The following LRMDA variants were observed in gnomAD, a reference collection of about 807,000 sequenced individuals.
LRMDA encodes leucine-rich melanocyte differentiation-associated protein.
LRMDA carries 18 observed loss-of-function variants against 29.8 expected under a neutral mutation model. That is an observed-to-expected ratio of 0.60 (90% CI 0.42 to 0.90). LRMDA has a LOEUF of 0.90. Ranked by LOEUF, LRMDA falls within the 40% of genes least tolerant of loss-of-function variation. The pLI is 0.00. For missense variants in LRMDA, 273 were observed against 273.9 expected (o/e 1.00, Z 0.02); for synonymous variants, 125 against 109.4 (o/e 1.14, Z -0.89).
At chr10:76,329,976 ATGTC>A (rs1022027243) in intron 6 of LRMDA, among the ~76,000 whole-genome samples, 34 of 152,360 alleles carry the variant, frequency 2.2e-4, no homozygotes, top group African/African-American at 7.9e-4. Flanking sequence ...GGAAATTTAA[ATGTC>A]TGTATGTGAA....
chr10:75,552,110 C>T (rs1023217500), intron 2 of LRMDA, among the ~76,000 whole-genome samples: 1 of 152,118 alleles, frequency 6.6e-6, no homozygotes, highest in Non-Finnish European at 1.5e-5. Flanking sequence ...TTATTATCCA[C>T]ATTTTAATCA....
At chr10:76,204,698 C>T (rs557088592) in intron 5 of LRMDA, among the ~76,000 whole-genome samples, 1 of 152,308 alleles carries the variant, frequency 6.6e-6, no homozygotes, top group African/African-American at 2.4e-5. Flanking sequence ...CCTAGAAAAG[C>T]CAGAACCTGA....
intron 2 of LRMDA, among the ~76,000 whole-genome samples, chr10:75,945,326 T>C (rs559731294): frequency 2.6e-5 from 4 of 152,338 alleles, no homozygotes; most frequent in Non-Finnish European, 5.9e-5. Flanking sequence ...TTTAGGGTCA[T>C]CTCAGGATTT....
chr10:75,839,527 A>G (rs956234567), intron 2 of LRMDA, among the ~76,000 whole-genome samples: 1 of 149,818 alleles, frequency 6.7e-6, no homozygotes, highest in African/African-American at 2.5e-5. Flanking sequence ...AGTGCAGAAT[A>G]CCACTTTTAT....
rs1296108874 is a variant in LRMDA, at chr10:76,363,195, AGGG to A, written c.601+38711_601+38713del. 1.1e-4 allele frequency among the ~76,000 whole-genome samples: 2 copies of A among 18,636 alleles called. 1 individual carries two copies. The highest frequency in any genetic ancestry group is 4.6e-4 in the African/African-American group (2 of 4,308). The allele number at this position is 18,636 out of a possible 152,430, so 12.2% of individuals were successfully genotyped here. A position where few individuals can be genotyped will look rare whatever the true frequency, so the allele number is the denominator to read the frequency against. On this transcript the variant is annotated intron_variant, in intron 6 of 6. Coordinates refer to ENST00000611255, the MANE Select transcript of LRMDA (RefSeq NM_001305581.2). ...AAAGAAAGGAGGGAGGGAGGGAGGG[AGGG>A]AGGGAGGGAGGGAAGGAAGAGAAAG...
intron 5 of LRMDA, among the ~76,000 whole-genome samples, chr10:76,114,178 C>A (rs1269933445): frequency 6.6e-6 from 1 of 152,200 alleles, no homozygotes; most frequent in Non-Finnish European, 1.5e-5. Context: ...GCCTCTGTGG[C>A]AGGCTGACTA....
chr10:75,814,635 A>G (rs1055978914), intron 2 of LRMDA, among the ~76,000 whole-genome samples: 1 of 152,200 alleles, frequency 6.6e-6, no homozygotes, highest in African/African-American at 2.4e-5. Flanking sequence ...AAGTGCAGGC[A>G]GCCGGTTGAC....
intron 2 of LRMDA, among the ~76,000 whole-genome samples, chr10:75,867,736 T>G (rs1382552536): frequency 6.6e-6 from 1 of 152,208 alleles, no homozygotes; most frequent in Non-Finnish European, 1.5e-5. Flanking sequence ...TCTCCTGTGA[T>G]TCCCCTTTCT....
At chr10:76,078,764 A>G (rs192615104) in intron 5 of LRMDA, among the ~76,000 whole-genome samples, 44 of 152,304 alleles carry the variant, frequency 2.9e-4, no homozygotes, top group African/African-American at 1.0e-3. Context: ...TGAACCCAGG[A>G]GGCAGAGCTT....
chr10:75,564,627 G>A (rs370368137), intron 2 of LRMDA, among the ~76,000 whole-genome samples: 26 of 152,228 alleles, frequency 1.7e-4, no homozygotes, highest in African/African-American at 3.9e-4. Flanking sequence ...CTTCTGCGTC[G>A]CTCACGCTGG....
intron 2 of LRMDA, among the ~76,000 whole-genome samples, chr10:76,000,993 G>A (rs1177801646): frequency 6.6e-6 from 1 of 152,168 alleles, no homozygotes; most frequent in Admixed American, 6.5e-5. Flanking sequence ...GCCAGGCACA[G>A]TTCTAGGCCC....
chr10:75,758,355 C>T (rs1564560211), intron 2 of LRMDA, among the ~76,000 whole-genome samples: 2 of 152,206 alleles, frequency 1.3e-5, no homozygotes, highest in East Asian at 1.9e-4. Flanking sequence ...TGAGGAATGT[C>T]GCCCATGAAA....
At chr10:76,117,626 C>T (rs1288425912) in intron 5 of LRMDA, among the ~76,000 whole-genome samples, 1 of 152,252 alleles carries the variant, frequency 6.6e-6, no homozygotes, top group Admixed American at 6.5e-5. Flanking sequence ...CACTTAAAGA[C>T]TGGCTCTGTG....
chr10:75,846,684 T>C (rs538065880), intron 2 of LRMDA, among the ~76,000 whole-genome samples: 109 of 152,078 alleles, frequency 7.2e-4, no homozygotes, highest in African/African-American at 1.0e-3. Context: ...GTAGGCAAAG[T>C]AAATAAATAA....
chr10:76,443,590 G>A (rs536610449), intron 6 of LRMDA, among the ~76,000 whole-genome samples: 1 of 152,180 alleles, frequency 6.6e-6, no homozygotes, highest in Non-Finnish European at 1.5e-5. Flanking sequence ...ATATCACTTT[G>A]CTAGCTATCA....
intron 2 of LRMDA, among the ~76,000 whole-genome samples, chr10:75,612,566 AG>A (rs1161035187): frequency 2.0e-5 from 3 of 151,506 alleles, no homozygotes; most frequent in African/African-American, 7.3e-5. Flanking sequence ...ATGTGGAAAG[AG>A]GCTTTTATAA....
chr10:75,899,052 G>A (rs1480425729), intron 2 of LRMDA, among the ~76,000 whole-genome samples: 1 of 152,194 alleles, frequency 6.6e-6, no homozygotes, highest in Non-Finnish European at 1.5e-5. Flanking sequence ...CAGACAAAAT[G>A]TTGTGCCCTT....
At chr10:76,014,128 A>ATATATATATATAAAAT (rs1554840720) in intron 2 of LRMDA, among the ~76,000 whole-genome samples, 28 of 94,844 alleles carry the variant, frequency 3.0e-4, no homozygotes, top group African/African-American at 5.3e-4. Flanking sequence ...ATATATAATT[A>ATATATATATATAAAAT]TATATATATA....
rs1032718895 is a variant in LRMDA at position 75,592,528 on chromosome 10, G to A, written c.131+154034G>A. ...TGGCATCGGGACGGCGGAGGCGGGGGCGAGGGGAGAGGGTCACCTCCTTTG... is the reference window on the plus strand; with the variant it reads ...TGGCATCGGGACGGCGGAGGCGGGGACGAGGGGAGAGGGTCACCTCCTTTG... On this transcript the variant is annotated intron_variant, in intron 2 of 6. Coordinates refer to ENST00000611255, the MANE Select transcript of LRMDA (RefSeq NM_001305581.2). Among the ~76,000 whole-genome samples the A allele has an allele frequency of 8.5e-5, 13 of 152,310 alleles. No homozygotes were observed. In the East Asian group the frequency reaches 9.7e-4, roughly 11 times the overall value.
Sources: allele counts gnomAD v4.1 joint callset (sites outside exome capture counted in the v4.1 genomes callset), GRCh38; gene constraint gnomAD v4.1.1; transcripts MANE v1.5; gene names NCBI Gene and HGNC (gene_info 2026-07-23, HGNC 2026-07-21).